The following TMEM14A variants were observed in gnomAD, a reference collection of about 807,000 sequenced individuals.
The protein encoded by TMEM14A is transmembrane protein 14A.
A neutral mutation model predicts 11.6 loss-of-function variants in TMEM14A; 8 were observed. The ratio of observed to expected loss-of-function variants is 0.69; its 90% CI spans 0.40 to 1.24. The LOEUF is 1.24. TMEM14A is among the 50% of genes most tolerant of loss of function. The pLI is 0.01. For synonymous variants in TMEM14A, 34 were observed against 45.5 expected (o/e 0.75, Z 1.02); for missense variants, 108 against 121.9 (o/e 0.89, Z 0.54).
Position 52,676,831 on chromosome 6 carries a change from G to A in TMEM14A, c.-16-256G>A, listed in dbSNP as rs868377148. On this transcript the variant is annotated intron_variant, in intron 1 of 4. Transcript: ENST00000211314. ...GCACGTGAAGGGGGAAGTGCTACAC[G>A]CTTTCAAACATCCAGATCTTGTGAG... Among the ~76,000 whole-genome samples, 5 of 152,068 alleles carry A rather than the reference G, an allele frequency of 3.3e-5. 1 individual carries two copies. Among genetic ancestry groups the A allele is most frequent in the Admixed American group, 2.6e-4 (4 of 15,274 alleles).
chr6:52,684,035 A>G (rs1769445630), intron 3 of TMEM14A, 43 bp from the exon 4 acceptor site: 1 of 1,571,700 alleles, frequency 6.4e-7, no homozygotes, highest in Non-Finnish European at 8.7e-7. Context: ...AAGCATTGAT[A>G]ACATGTTTGA....
chr6:52,672,004 T>C (rs753933296), intron 1 of TMEM14A, among the ~76,000 whole-genome samples: 9 of 152,302 alleles, frequency 5.9e-5, no homozygotes, highest in Non-Finnish European at 1.3e-4. Flanking sequence ...TTGCAAGCAT[T>C]GGGAGTAGAT....
At chr6:52,685,899 C>A in intron 4 of TMEM14A, 111 bp from the exon 5 acceptor site, 1 of 910,526 alleles carries the variant, frequency 1.1e-6, no homozygotes, top group Non-Finnish European at 1.6e-6. Flanking sequence ...GCTGGGAGAG[C>A]CCCCAAGCCA....
At chr6:52,677,863 A>G (rs1415328490) in intron 2 of TMEM14A, among the ~76,000 whole-genome samples, 1 of 152,158 alleles carries the variant, frequency 6.6e-6, no homozygotes, top group African/African-American at 2.4e-5. Context: ...ATTTGAGTGA[A>G]AAAGCCAGGT....
chr6:52,671,497 C>A (rs1235264416), intron 1 of TMEM14A, among the ~76,000 whole-genome samples: 2 of 152,206 alleles, frequency 1.3e-5, no homozygotes, highest in East Asian at 3.9e-4. Flanking sequence ...CTCCTACCTT[C>A]CTGGATCTGG....
intron 2 of TMEM14A, among the ~76,000 whole-genome samples, chr6:52,680,585 T>TTATATTTATATATATA: frequency 3.0e-5 from 1 of 33,252 alleles, no homozygotes; most frequent in Non-Finnish European, 8.1e-5. Flanking sequence ...CACTATATAT[T>TTATATTTATATATATA]TATATATTTA....
chr6:52,681,241 G>C (rs899833120), intron 2 of TMEM14A, among the ~76,000 whole-genome samples: 1 of 151,994 alleles, frequency 6.6e-6, no homozygotes, highest in Non-Finnish European at 1.5e-5. Flanking sequence ...ATAGGGACTG[G>C]GTAGCTGGGG....
rs78278890 is a variant in TMEM14A at position 52,683,487 on chromosome 6, A to C, written c.173-591A>C. On this transcript the variant is annotated intron_variant, in intron 3 of 4. Transcript: ENST00000211314. ...CAACAACAACAACAACAACAACAAA[A>C]AAAAAAAAAAGAAAAAGAAAAGGTC... 5.1e-3 allele frequency among the ~76,000 whole-genome samples: 533 copies of C among 105,312 alleles called. 2 individuals are homozygous for C. The highest frequency in any genetic ancestry group is 0.032 in the Middle Eastern group (6 of 190). The allele number at this position is 105,312 out of a possible 152,430, so 69.1% of individuals were successfully genotyped here.
rs1171390243 is a variant in TMEM14A, at chr6:52,684,101, A to G, written c.196A>G (p.Ile66Val). The G allele has an allele frequency of 3.7e-6, 6 of 1,613,788 alleles. No homozygotes were observed. Among genetic ancestry groups the G allele is most frequent in the Non-Finnish European group, 5.1e-6 (6 of 1,179,910 alleles). Residue 66 changes from isoleucine to valine, a missense_variant, in exon 4 of 5, where the codon ATA becomes GTA. By Grantham distance (29) the Ile-to-Val change is conservative. Transcript: ENST00000211314. ...SLFTAFFLATIMGVRFKRSKK... is the reference protein window; with the variant it reads ...SLFTAFFLATVMGVRFKRSKK... ...AGTTACAGCTTTCTTCCTGGCTACC[A>G]TAATGGGTGTGAGATTTAAGAGGTC...
At chr6:52,682,046 A>G (rs1769401507) in intron 3 of TMEM14A, 132 bp downstream of exon 3, 2 of 632,840 alleles carry the variant, frequency 3.2e-6, no homozygotes, top group Non-Finnish European at 5.3e-6. Flanking sequence ...GAGGCTGAAT[A>G]CAACACTTAT....
At chr6:52,679,855 G>C (rs911400718) in intron 2 of TMEM14A, among the ~76,000 whole-genome samples, 1 of 131,738 alleles carries the variant, frequency 7.6e-6, no homozygotes, top group East Asian at 2.7e-4. Flanking sequence ...TTAAGTGTGC[G>C]TGTTTGGTGG....
At chr6:52,683,675 G>T (rs1769437255) in intron 3 of TMEM14A, among the ~76,000 whole-genome samples, 2 of 151,342 alleles carry the variant, frequency 1.3e-5, no homozygotes, top group Non-Finnish European at 2.9e-5. Context: ...GCAGTGGCGT[G>T]ATCTCAGTTC....
At chr6:52,672,794 G>A (rs1428241382) in intron 1 of TMEM14A, among the ~76,000 whole-genome samples, 1 of 152,116 alleles carries the variant, frequency 6.6e-6, no homozygotes, top group Non-Finnish European at 1.5e-5. Context: ...TATCAACTAA[G>A]CTCTTGCTTA....
intron 2 of TMEM14A, among the ~76,000 whole-genome samples, chr6:52,680,075 T>A (rs1422509213): frequency 1.3e-5 from 2 of 151,846 alleles, no homozygotes; most frequent in Non-Finnish European, 2.9e-5. Context: ...TCAGTATTTA[T>A]CAAGTGCTCC....
chr6:52,680,660 T>TATATATGTGTATATATATAC (rs1769358184), intron 2 of TMEM14A, among the ~76,000 whole-genome samples: 16 of 46,710 alleles, frequency 3.4e-4, no homozygotes, highest in African/African-American at 1.1e-3. Flanking sequence ...TGTGTGTGTA[T>TATATATGTGTATATATATAC]ATATATGTGT....
intron 2 of TMEM14A, among the ~76,000 whole-genome samples, chr6:52,680,704 T>TATACAC (rs371102796): frequency 0.013 from 688 of 50,970 alleles, 73 homozygotes; most frequent in African/African-American, 0.022. Flanking sequence ...TATATATATA[T>TATACAC]ACACATATAT....
intron 1 of TMEM14A, among the ~76,000 whole-genome samples, chr6:52,675,447 A>G (rs1388316463): frequency 1.3e-5 from 2 of 152,202 alleles, no homozygotes; most frequent in African/African-American, 2.4e-5. Flanking sequence ...CCTAACTTGC[A>G]GGGAGAGTTG....
intron 3 of TMEM14A, among the ~76,000 whole-genome samples, chr6:52,682,590 T>C (rs3823031): frequency 0.39 from 24,227 of 62,656 alleles, 2,201 homozygotes; most frequent in East Asian, 0.52. Flanking sequence ...GAGTGAGAGA[T>C]TTGGGGTTTT....
intron 2 of TMEM14A, 150 bp downstream of exon 2, chr6:52,677,322 G>A: frequency 1.2e-6 from 1 of 831,400 alleles, no homozygotes; most frequent in Non-Finnish European, 1.9e-6. Flanking sequence ...CTCATGAAAG[G>A]AAGAGGCTTC....
Sources: gnomAD v4.1 joint callset for allele counts (sites outside exome capture counted in the v4.1 genomes callset) on GRCh38, gnomAD v4.1.1 for gene constraint, MANE v1.5 for transcripts, NCBI Gene and HGNC (gene_info 2026-07-23, HGNC 2026-07-21) for gene names.